PRDM16: variants seen among roughly 807,000 people sequenced by gnomAD.
The protein encoded by PRDM16 is PR/SET domain 16.
A neutral mutation model predicts 110.6 loss-of-function variants in PRDM16; 23 were observed. That is an observed-to-expected ratio of 0.21 (90% CI 0.15 to 0.29). The LOEUF (loss-of-function observed/expected upper bound fraction) is 0.29, where lower values mean the gene tolerates loss of function less well. PRDM16 is among the 10% of genes least tolerant of loss of function. The pLI, the probability that PRDM16 is intolerant of heterozygous loss-of-function variation, is 1.00. For missense variants in PRDM16, 1,615 were observed against 1,794.3 expected (o/e 0.90, Z 1.81); for synonymous variants, 799 against 781.8 (o/e 1.02, Z -0.37).
intron 2 of PRDM16, among the ~76,000 whole-genome samples, chr1:3,224,481 A>T (rs755228814): frequency 7.5e-5 from 11 of 147,058 alleles, no homozygotes; most frequent in Non-Finnish European, 1.7e-4. Flanking sequence ...GCCCAGGGCC[A>T]CTCTCTCTCC....
intron 3 of PRDM16, among the ~76,000 whole-genome samples, chr1:3,274,792 CCTT>C (rs1347694533): frequency 1.3e-5 from 2 of 152,168 alleles, no homozygotes; most frequent in Non-Finnish European, 2.9e-5. Context: ...TTTTCCATTA[CCTT>C]CTTCTCCTTT....
In PRDM16 at chr1:3,283,505, C is replaced by T. The variant is rs557591973; in HGVS notation, c.438+39368C>T. On this transcript the variant is annotated intron_variant, in intron 3 of 16. Coordinates refer to ENST00000270722, the MANE Select transcript of PRDM16 (RefSeq NM_022114.4). ...AAAGAACAGCCTCTGCCCCACACTG[C>T]GCGGTGCCCCTAGGTCCACAGCAGA... Among the ~76,000 whole-genome samples, 4 of 152,294 alleles carry T rather than the reference C, an allele frequency of 2.6e-5. No individual in the cohort carries two copies. The South Asian group carries it at 6.2e-4, about 24-fold the overall frequency.
At chr1:3,196,327 C>T (rs1475460922) in intron 2 of PRDM16, among the ~76,000 whole-genome samples, 1 of 152,258 alleles carries the variant, frequency 6.6e-6, no homozygotes, top group African/African-American at 2.4e-5. Flanking sequence ...CAGCCGGGCC[C>T]TGGAACTTGA....
chr1:3,174,090 G>A (rs576793992), intron 1 of PRDM16, among the ~76,000 whole-genome samples: 1 of 152,358 alleles, frequency 6.6e-6, no homozygotes, highest in African/African-American at 2.4e-5. Flanking sequence ...AAGCCAGGCT[G>A]TGGACAGGGT....
chr1:3,287,931 C>G (rs2134119), intron 3 of PRDM16, among the ~76,000 whole-genome samples: 30,625 of 152,218 alleles, frequency 0.2, 6,359 homozygotes, highest in African/African-American at 0.52. Flanking sequence ...TTTCTCACCC[C>G]GGCTGGGGCA....
Position 3,106,188 on chromosome 1 carries a change from T to A in PRDM16, c.37+36892T>A, listed in dbSNP as rs981407579. ...GGGGGGAAGCCCCTGGGGGAGCCTG[T>A]CTTCCAAAGAGAGCAGCCCTGGTGA... On this transcript the variant is annotated intron_variant, in intron 1 of 16. Coordinates refer to ENST00000270722, the MANE Select transcript of PRDM16 (RefSeq NM_022114.4). 7.2e-5 allele frequency among the ~76,000 whole-genome samples: 11 copies of A among 152,334 alleles called. No homozygotes were observed. In the South Asian group the frequency reaches 1.9e-3, roughly 26 times the overall value.
In PRDM16 at chr1:3,363,754, A is replaced by G. The variant is rs77821907; in HGVS notation, c.439-21398A>G. Among the ~76,000 whole-genome samples the G allele has an allele frequency of 9.2e-3, 1,401 of 152,264 alleles. 21 individuals are homozygous for G. The highest frequency in any genetic ancestry group is 0.032 in the African/African-American group (1,330 of 41,550). ...AGGTGACCACAGCCACCCAGGAGGA[A>G]AAACTCAGGAAGCTGAAATGTCAGG... On this transcript the variant is annotated intron_variant, in intron 3 of 16. Coordinates refer to ENST00000270722, the MANE Select transcript of PRDM16 (RefSeq NM_022114.4).
At chr1:3,184,427 C>A (rs533870653) in intron 1 of PRDM16, among the ~76,000 whole-genome samples, 69 of 152,276 alleles carry the variant, frequency 4.5e-4, no homozygotes, top group Middle Eastern at 3.4e-3. Context: ...CCAGCAGGAC[C>A]GGGGTCCAGT....
At chr1:3,090,627 T>C (rs1164203271) in intron 1 of PRDM16, among the ~76,000 whole-genome samples, 1 of 152,220 alleles carries the variant, frequency 6.6e-6, no homozygotes, top group African/African-American at 2.4e-5. Context: ...CACCTGACTC[T>C]GTCCCTGGGC....
intron 1 of PRDM16, among the ~76,000 whole-genome samples, chr1:3,161,225 G>A (rs1471367062): frequency 6.6e-6 from 1 of 152,174 alleles, no homozygotes; most frequent in African/African-American, 2.4e-5. Flanking sequence ...TCAAAAGACG[G>A]CGAAGGAGCG....
chr1:3,233,495 A>G (rs915079823), intron 2 of PRDM16, among the ~76,000 whole-genome samples: 10 of 152,300 alleles, frequency 6.6e-5, no homozygotes, highest in African/African-American at 2.2e-4. Flanking sequence ...GCTCAGGCTG[A>G]GCATGGAACA....
At chr1:3,311,756 C>T (rs1010901860) in intron 3 of PRDM16, among the ~76,000 whole-genome samples, 20 of 152,198 alleles carry the variant, frequency 1.3e-4, no homozygotes, top group Non-Finnish European at 2.6e-4. Flanking sequence ...GTCCATCTGC[C>T]TCCTTCCCCA....
rs2493306 is a variant in PRDM16 at position 3,403,243 on chromosome 1, C to T, written c.884+245C>T. On this transcript the variant is annotated intron_variant, in intron 6 of 16. Transcript: ENST00000270722. ...CAGAGCCGCAGGTGTCCCCTGGCTC[C>T]GACCGCAAATGTCCTGGCCCCAGAA... Among the ~76,000 whole-genome samples the T allele has an allele frequency of 0.089, 13,598 of 152,232 alleles. 639 individuals are homozygous for T. Among genetic ancestry groups the T allele is most frequent in the Middle Eastern group, 0.12 (34 of 294 alleles).
At chr1:3,083,524 G>T (rs889609525) in intron 1 of PRDM16, among the ~76,000 whole-genome samples, 2 of 151,718 alleles carry the variant, frequency 1.3e-5, no homozygotes, top group Admixed American at 6.6e-5. Flanking sequence ...CTGTGAAGAG[G>T]CGAACCAAGG....
rs1421208364 is a variant in PRDM16 at position 3,245,547 on chromosome 1, G to A, written c.438+1410G>A. Among the ~76,000 whole-genome samples, 1 of 152,210 alleles carries A rather than the reference G, an allele frequency of 6.6e-6. No individual in the cohort carries two copies. The highest frequency in any genetic ancestry group is 2.4e-5 in the African/African-American group (1 of 41,454). ...TCCCGTGTCCCTCCCCGTCGCTGGT[G>A]TGGCTGTGTCTGGCCTCCTGGGGTC... On this transcript the variant is annotated intron_variant, in intron 3 of 16. Coordinates refer to ENST00000270722, the MANE Select transcript of PRDM16 (RefSeq NM_022114.4). This position sits in a 1 kb window ranked among gnomAD's most constrained non-coding sequence, Gnocchi z 4.7.
intron 14 of PRDM16, among the ~76,000 whole-genome samples, chr1:3,430,564 C>T (rs1412720264): frequency 6.6e-6 from 1 of 152,246 alleles, no homozygotes; most frequent in Non-Finnish European, 1.5e-5. Context: ...GGACTGCCCA[C>T]TGCTTCCACC....
chr1:3,398,619 C>T (rs1454023682), intron 5 of PRDM16, among the ~76,000 whole-genome samples: 1 of 152,248 alleles, frequency 6.6e-6, no homozygotes, highest in East Asian at 1.9e-4. Context: ...TTGTGAACCC[C>T]TCGGCTCTCC....
intron 3 of PRDM16, chr1:3,307,581 G>A (rs1641343369): frequency 6.6e-6 from 1 of 152,362 alleles, no homozygotes; most frequent in East Asian, 1.9e-4. Context: ...TCAGGGTGCA[G>A]GTGACTAACG....
chr1:3,246,819 T>A lies in PRDM16; in HGVS notation c.438+2682T>A, dbSNP rs375219938. Among the ~76,000 whole-genome samples the A allele has an allele frequency of 9.0e-4, 136 of 151,232 alleles. No homozygotes were observed. The highest frequency in any genetic ancestry group is 3.1e-3 in the African/African-American group (129 of 41,158). Reference sequence around the variant, plus strand: ...AGGCACTCTCGGGGAGCCGGGGGGGTTGGGGCTGAGAGACTGAGAGACATG... The same window carrying A: ...AGGCACTCTCGGGGAGCCGGGGGGGATGGGGCTGAGAGACTGAGAGACATG... On this transcript the variant is annotated intron_variant, in intron 3 of 16. Transcript: ENST00000270722. The surrounding 1 kb of genome is among the most constrained non-coding windows in gnomAD (Gnocchi z 5.2).
Sources: gnomAD v4.1 joint callset for allele counts (sites outside exome capture counted in the v4.1 genomes callset) on GRCh38, gnomAD v4.1.1 for gene constraint, Gnocchi (gnomAD v3.1) non-coding constraint, MANE v1.5 for transcripts, NCBI Gene and HGNC (gene_info 2026-07-23, HGNC 2026-07-21) for gene names.